The following ROR1 variants were observed in gnomAD, a reference collection of about 807,000 sequenced individuals.
The protein encoded by ROR1 is ROR family WNT receptor 1.
ROR1 carries 19 observed loss-of-function variants against 78.8 expected under a neutral mutation model. That is an observed-to-expected ratio of 0.24 (90% CI 0.17 to 0.35). The LOEUF is 0.35. Ranked by LOEUF, ROR1 falls within the 10% of genes least tolerant of loss-of-function variation. ROR1 has a pLI of 1.00. For synonymous variants in ROR1, 386 were observed against 433.6 expected (o/e 0.89, Z 1.36); for missense variants, 917 against 1,177.8 (o/e 0.78, Z 3.24).
intron 8 of ROR1, among the ~76,000 whole-genome samples, chr1:64,160,413 T>C (rs1649905003): frequency 6.6e-6 from 1 of 152,024 alleles, no homozygotes; most frequent in Non-Finnish European, 1.5e-5. Context: ...ATATATTCTG[T>C]ATTCAGCAAA....
At chr1:63,902,608 G>A (rs1040782603) in intron 1 of ROR1, among the ~76,000 whole-genome samples, 3 of 152,096 alleles carry the variant, frequency 2.0e-5, no homozygotes, top group Non-Finnish European at 2.9e-5. Context: ...ACAGGCATGA[G>A]CCACCGTTGC....
chr1:63,890,959 T>G (rs1645390913), intron 1 of ROR1, among the ~76,000 whole-genome samples: 1 of 152,154 alleles, frequency 6.6e-6, no homozygotes, highest in African/African-American at 2.4e-5. Context: ...TCAAAACTTA[T>G]TCTCAATGCC....
At chr1:64,045,931 A>C (rs1646779489) in intron 2 of ROR1, among the ~76,000 whole-genome samples, 1 of 152,204 alleles carries the variant, frequency 6.6e-6, no homozygotes, top group African/African-American at 2.4e-5. Context: ...CTAGGGAAGA[A>C]GGGAAAAAAA....
chr1:63,815,384 G>C (rs932220611), intron 1 of ROR1, among the ~76,000 whole-genome samples: 2 of 151,572 alleles, frequency 1.3e-5, no homozygotes, highest in Admixed American at 1.3e-4. Flanking sequence ...TTTTGTTTCT[G>C]GGTGGTGGAC....
intron 1 of ROR1, among the ~76,000 whole-genome samples, chr1:63,850,014 G>A (rs2100328848): frequency 6.6e-6 from 1 of 152,274 alleles, no homozygotes; most frequent in South Asian, 2.1e-4. Flanking sequence ...TCCTTTAAAT[G>A]TGATGTCTTT....
chr1:64,179,941 A>G lies in ROR1; in HGVS notation c.*1086A>G, dbSNP rs1296011277. The G allele has an allele frequency of 6.6e-6, 1 of 152,160 alleles. No homozygotes were observed. Among genetic ancestry groups the G allele is most frequent in the Non-Finnish European group, 1.5e-5 (1 of 68,016 alleles). 9.4% of individuals were successfully genotyped at this position (152,160 alleles called of 1,614,324 possible). A position where few individuals can be genotyped will look rare whatever the true frequency, so the allele number is the denominator to read the frequency against. ...TTCTTTCCCTTTTTTTCTGTGCTGG[A>G]AATGTTCACAGATTTGATTCCCGCC... On this transcript the variant is annotated 3_prime_UTR_variant, in exon 9 of 9. Transcript: ENST00000371079.
chr1:63,829,957 A>G (rs1361529420), intron 1 of ROR1, among the ~76,000 whole-genome samples: 3 of 152,266 alleles, frequency 2.0e-5, no homozygotes, highest in East Asian at 3.9e-4. Flanking sequence ...CTTAAGCTCC[A>G]TGAAATTAGC....
intron 1 of ROR1, among the ~76,000 whole-genome samples, chr1:63,907,901 CT>C (rs1557555318): frequency 6.6e-6 from 1 of 152,118 alleles, no homozygotes; most frequent in African/African-American, 2.4e-5. Flanking sequence ...AGAAATAAAT[CT>C]GCTTTATGGC....
chr1:64,038,586 C>T (rs1429466618), intron 2 of ROR1, among the ~76,000 whole-genome samples: 2 of 152,144 alleles, frequency 1.3e-5, no homozygotes, highest in Non-Finnish European at 2.9e-5. Flanking sequence ...CCTTCTCTGA[C>T]ACCTCTGGCC....
At chr1:64,158,432 C>T (rs181972254) in intron 7 of ROR1, among the ~76,000 whole-genome samples, 3 of 152,268 alleles carry the variant, frequency 2.0e-5, no homozygotes, top group African/African-American at 7.2e-5. Flanking sequence ...ACTTCAGGCC[C>T]CCATATTCTC....
chr1:63,793,853 T>G lies in ROR1; in HGVS notation c.91+19345T>G, dbSNP rs139879931. Among the ~76,000 whole-genome samples the G allele has an allele frequency of 6.8e-4, 103 of 152,278 alleles. 1 individual carries two copies. In the East Asian group the frequency reaches 0.019, roughly 28 times the overall value. The stretch of plus-strand genomic sequence containing the variant: ...GCAGCAGTGGTTTCCTGCAGTAAGC[T>G]CCATCTTGGTTGTGCTGCCCTCCCC... On this transcript the variant is annotated intron_variant, in intron 1 of 8. Transcript: ENST00000371079.
intron 1 of ROR1, among the ~76,000 whole-genome samples, chr1:63,917,119 C>G (rs1645615116): frequency 6.6e-6 from 1 of 152,168 alleles, no homozygotes; most frequent in Non-Finnish European, 1.5e-5. Context: ...CAGGTGACCT[C>G]TTACATTGGT....
intron 1 of ROR1, among the ~76,000 whole-genome samples, chr1:63,812,177 G>A (rs1231451241): frequency 6.6e-6 from 1 of 152,150 alleles, no homozygotes; most frequent in Non-Finnish European, 1.5e-5. Context: ...GGCCAGGCTG[G>A]TCTCGAACTC....
At chr1:64,068,338 AT>A (rs890560308) in intron 4 of ROR1, among the ~76,000 whole-genome samples, 141 of 151,418 alleles carry the variant, frequency 9.3e-4, no homozygotes, top group Middle Eastern at 3.4e-3. Context: ...TCATATTGCC[AT>A]TTTTTTTTAC....
At chr1:63,861,414 C>A (rs964651249) in intron 1 of ROR1, among the ~76,000 whole-genome samples, 2 of 152,116 alleles carry the variant, frequency 1.3e-5, no homozygotes, top group African/African-American at 4.8e-5. Context: ...TTATTTATTT[C>A]TTTCTCCTTT....
intron 1 of ROR1, among the ~76,000 whole-genome samples, chr1:63,956,794 T>C (rs529006876): frequency 3.3e-5 from 5 of 152,196 alleles, no homozygotes; most frequent in Non-Finnish European, 7.4e-5. Flanking sequence ...ATAAGTCTTC[T>C]CCCACTTTTC....
intron 2 of ROR1, among the ~76,000 whole-genome samples, chr1:64,014,141 T>TG (rs1243333297): frequency 2.6e-5 from 4 of 152,160 alleles, no homozygotes. Context: ...CCTCCTCCTG[T>TG]GGGGCAAGTT....
chr1:63,839,376 C>G (rs900399261), intron 1 of ROR1, among the ~76,000 whole-genome samples: 7 of 151,916 alleles, frequency 4.6e-5, no homozygotes, highest in African/African-American at 7.3e-5. Flanking sequence ...ATCTATCTAT[C>G]TATCTATCTA....
rs1456631270 is a variant in ROR1, at chr1:64,140,275, G to A, written c.777G>A (p.Leu259=). 1.9e-6 allele frequency: 3 copies of A among 1,614,146 alleles called. No homozygotes were observed. The highest frequency in any genetic ancestry group is 1.7e-5 in the Admixed American group (1 of 60,020). ...RDECEILENV[L]CQTEYIFARS... ...AATGTGAAATCCTGGAGAATGTCCT[G>A]TGTCAAACAGAGTACATTTTTGCAA... Residue 259 remains leucine (L), a synonymous_variant, in exon 6 of 9, where the codon CTG becomes CTA. Transcript: ENST00000371079.
Sources: allele counts gnomAD v4.1 joint callset (sites outside exome capture counted in the v4.1 genomes callset), GRCh38; gene constraint gnomAD v4.1.1; transcripts MANE v1.5; gene names NCBI Gene and HGNC (gene_info 2026-07-23, HGNC 2026-07-21).